Variants in TRIM71 observed in about 807,000 individuals in gnomAD.
TRIM71 encodes tripartite motif containing 71.
A neutral mutation model predicts 61.2 loss-of-function variants in TRIM71; 9 were observed. That is an observed-to-expected ratio of 0.15 (90% CI 0.09 to 0.26). The LOEUF (loss-of-function observed/expected upper bound fraction) is 0.26. Among genes scored for constraint, TRIM71 ranks in the 10% least tolerant of loss-of-function variants. The pLI is 1.00. For synonymous variants in TRIM71, 645 were observed against 553.2 expected (o/e 1.17, Z -2.33); for missense variants, 998 against 1,238.7 (o/e 0.81, Z 2.92).
intron 2 of TRIM71, among the ~76,000 whole-genome samples, chr3:32,882,600 C>T (rs1406857421): frequency 1.3e-5 from 2 of 152,052 alleles, no homozygotes; most frequent in African/African-American, 2.4e-5. Context: ...CTGGGGGGCG[C>T]GGTGGTGCAG....
At position 32,891,870 on chromosome 3, in the gene TRIM71, CTCTT is replaced by C. The variant is rs1395651891; in HGVS notation, c.*63_*66del. On this transcript the variant is annotated 3_prime_UTR_variant, in exon 4 of 4. Transcript: ENST00000383763. The surrounding 1 kb of genome is among the most constrained non-coding windows in gnomAD (Gnocchi z 8.2). Reference sequence around the variant, plus strand: ...TGTGCGTGTCTCTCTCTCTCTCTCTCTCTTTCTCTTTCTCTCTCTTTTTGAATTT... The same window carrying C: ...TGTGCGTGTCTCTCTCTCTCTCTCTCTCTCTTTCTCTCTCTTTTTGAATTT... The C allele has an allele frequency of 5.7e-4, 869 of 1,519,062 alleles. 1 individual carries two copies. Among genetic ancestry groups the C allele is most frequent in the South Asian group, 1.6e-3 (132 of 81,136 alleles). 94.1% of individuals were successfully genotyped at this position (1,519,062 alleles called of 1,614,324 possible). A position where few individuals can be genotyped will look rare whatever the true frequency, so the allele number is the denominator to read the frequency against.
At chr3:32,873,388 A>G (rs1391170593) in intron 1 of TRIM71, among the ~76,000 whole-genome samples, 1 of 152,158 alleles carries the variant, frequency 6.6e-6, no homozygotes, top group African/African-American at 2.4e-5. Context: ...AGCAAAGGAA[A>G]CTTTTCTGGT....
intron 1 of TRIM71, among the ~76,000 whole-genome samples, chr3:32,839,665 G>T (rs1318551820): frequency 6.5e-5 from 9 of 137,676 alleles, no homozygotes; most frequent in South Asian, 2.8e-4. Flanking sequence ...TTTTTTTGGG[G>T]GGGGGGTGGG....
chr3:32,819,022 G>A (rs374289693), intron 1 of TRIM71, 90 bp downstream of exon 1: 17 of 1,416,904 alleles, frequency 1.2e-5, no homozygotes, highest in Non-Finnish European at 1.7e-5. Flanking sequence ...GCGAGGGGAG[G>A]AGGCCCTCTC....
At chr3:32,867,702 T>C (rs766943278) in intron 1 of TRIM71, among the ~76,000 whole-genome samples, 1 of 151,980 alleles carries the variant, frequency 6.6e-6, no homozygotes. Context: ...TTAACATGCA[T>C]TGCCTCACAT....
intron 2 of TRIM71, among the ~76,000 whole-genome samples, chr3:32,883,448 A>G (rs1696929975): frequency 6.6e-6 from 1 of 152,234 alleles, no homozygotes; most frequent in Non-Finnish European, 1.5e-5. Flanking sequence ...GGCTTTTGGC[A>G]GTTGCCAGCA....
At chr3:32,886,405 C>G (rs1187988260) in intron 3 of TRIM71, among the ~76,000 whole-genome samples, 2 of 152,194 alleles carry the variant, frequency 1.3e-5, no homozygotes, top group Non-Finnish European at 2.9e-5. Context: ...GGAAACATCC[C>G]TATTTTTGGT....
Position 32,873,828 on chromosome 3 carries a change from T to A in TRIM71, c.863T>A (p.Leu288Gln). 6.3e-7 allele frequency: 1 copy of A among 1,595,326 alleles called. No individual in the cohort carries two copies. The highest frequency in any genetic ancestry group is 8.6e-7 in the Non-Finnish European group (1 of 1,168,114). ...CQHHDDEVLH[L>Q]YCDTCSVPIC... ...CTCTCTTGTCCCCAGGTGCTGCACC[T>A]GTACTGTGACACTTGCTCTGTACCC... The change falls in exon 2 of 4, where the codon CTG becomes CAG. Residue 288 changes from leucine to glutamine, a missense_variant. Leu to Gln is a moderately radical substitution (Grantham distance 113). This residue lies in a region of TRIM71 where 291 missense variants were observed against 431.2 expected (regional missense o/e 0.67). Transcript: ENST00000383763.
rs1575336935 is a variant in TRIM71 at position 32,818,314 on chromosome 3, G to T, written c.234G>T (p.Ala78=). The part of the protein sequence containing the change: ...PCLEAHRLPA[A]GGGAAGEPLK... ...TCGAGGCGCACCGGCTGCCGGCGGC[G>T]GGCGGCGGCGCGGCGGGAGAGCCGC... Residue 78 remains alanine (A), a synonymous_variant, in exon 1 of 4, where the codon GCG becomes GCT. Coordinates refer to ENST00000383763, the MANE Select transcript of TRIM71 (RefSeq NM_001039111.3). 2.1e-6 allele frequency: 3 copies of T among 1,436,968 alleles called. No homozygotes were observed. The highest frequency in any genetic ancestry group is 2.7e-5 in the South Asian group (2 of 73,970). The allele number at this position is 1,436,968 out of a possible 1,614,324, so 89.0% of individuals were successfully genotyped here.
At chr3:32,821,476 A>G (rs1420720465) in intron 1 of TRIM71, among the ~76,000 whole-genome samples, 3 of 94,962 alleles carry the variant, frequency 3.2e-5, no homozygotes, top group African/African-American at 1.1e-4. Flanking sequence ...TCCCCTTGTA[A>G]AATGCCTTCT....
At chr3:32,847,124 A>C (rs2125680783) in intron 1 of TRIM71, among the ~76,000 whole-genome samples, 1 of 151,596 alleles carries the variant, frequency 6.6e-6, no homozygotes, top group East Asian at 1.9e-4. Context: ...TCCCAGGTTC[A>C]AGCGATTCTC....
chr3:32,865,096 G>C (rs188119829), intron 1 of TRIM71, among the ~76,000 whole-genome samples: 116 of 152,238 alleles, frequency 7.6e-4, no homozygotes, highest in Admixed American at 1.7e-3. Context: ...TTGGGAGGCC[G>C]AGGCAGTCGG....
At chr3:32,885,060 C>T (rs1050838117) in intron 2 of TRIM71, among the ~76,000 whole-genome samples, 3 of 152,108 alleles carry the variant, frequency 2.0e-5, no homozygotes, top group African/African-American at 4.8e-5. Flanking sequence ...GAAAGTCCCA[C>T]ATCCCAGAAA....
intron 1 of TRIM71, 84 bp downstream of exon 1, chr3:32,819,016 G>GGAGA (rs1696097835): frequency 2.0e-6 from 3 of 1,465,692 alleles, no homozygotes; most frequent in African/African-American, 2.8e-5. Context: ...CCCACAGCGA[G>GGAGA]GGGAGGAGGC....
chr3:32,869,430 T>C (rs764534883), intron 1 of TRIM71, among the ~76,000 whole-genome samples: 9 of 152,158 alleles, frequency 5.9e-5, no homozygotes, highest in Non-Finnish European at 1.2e-4. Context: ...CTGATAGGGG[T>C]AGTTGTGTTT....
intron 1 of TRIM71, among the ~76,000 whole-genome samples, chr3:32,864,312 T>G (rs75217365): frequency 0.016 from 2,426 of 152,316 alleles, 71 homozygotes; most frequent in African/African-American, 0.056. Flanking sequence ...TAGTGTAACT[T>G]GGATCTGTTA....
At chr3:32,829,945 T>C (rs6550163) in intron 1 of TRIM71, among the ~76,000 whole-genome samples, 25,464 of 140,818 alleles carry the variant, frequency 0.18, 2,395 homozygotes, top group Middle Eastern at 0.29. Flanking sequence ...TTTTTTTTTT[T>C]CGAGATGGAG....
chr3:32,850,883 C>T (rs1375642992), intron 1 of TRIM71, among the ~76,000 whole-genome samples: 1 of 152,204 alleles, frequency 6.6e-6, no homozygotes, highest in African/African-American at 2.4e-5. Flanking sequence ...AATCTCAAGT[C>T]ATTCTCCACC....
At chr3:32,855,481 G>A (rs912776157) in intron 1 of TRIM71, among the ~76,000 whole-genome samples, 3 of 152,242 alleles carry the variant, frequency 2.0e-5, no homozygotes, top group African/African-American at 7.2e-5. Context: ...GCCTCTGGAG[G>A]GTTTTAAAGA....
Sources: allele counts gnomAD v4.1 joint callset (sites outside exome capture counted in the v4.1 genomes callset), GRCh38; gene constraint gnomAD v4.1.1; regional missense constraint gnomAD v4.1.1; non-coding constraint Gnocchi (gnomAD v3.1); transcripts MANE v1.5; gene names NCBI Gene and HGNC (gene_info 2026-07-23, HGNC 2026-07-21).